RYR2: variants seen among roughly 807,000 people sequenced by gnomAD.
RYR2 encodes cardiac muscle ryanodine receptor-calcium release channel.
In RYR2, 227 loss-of-function variants were observed where a neutral mutation model predicts 601.1. The ratio of observed to expected loss-of-function variants is 0.38; its 90% CI spans 0.34 to 0.42. The LOEUF (loss-of-function observed/expected upper bound fraction) is 0.42, where lower values mean the gene tolerates loss of function less well. Ranked by LOEUF, RYR2 falls within the 10% of genes least tolerant of loss-of-function variation. The probability of loss-of-function intolerance (pLI) is 1.00; values close to 1 mark genes in which losing one functional copy is unlikely to be tolerated. For missense variants in RYR2, 4,646 were observed against 6,156.5 expected, an observed-to-expected ratio of 0.75 and a Z score of 8.21; for synonymous variants, 2,223 against 2,175.1, an observed-to-expected ratio of 1.02 and a Z score of -0.61.
chr1:237,808,863 C>T (rs1462425627), intron 99 of RYR2, 38 bp from the exon 100 acceptor site: 4 of 1,609,892 alleles, frequency 2.5e-6, no homozygotes, highest in Non-Finnish European at 3.4e-6. Context: ...GTATGTCCTA[C>T]ATTTCTAATA....
chr1:237,061,268 C>CATCTATCTATCCATCTAT (rs1553275474), intron 1 of RYR2, among the ~76,000 whole-genome samples: 4 of 88,742 alleles, frequency 4.5e-5, no homozygotes, highest in Admixed American at 3.4e-4. Context: ...ATCTATCTAT[C>CATCTATCTATCCATCTAT]CATCTATCAT....
chr1:237,713,857 A>G (rs1297619055), intron 71 of RYR2, among the ~76,000 whole-genome samples: 1 of 152,142 alleles, frequency 6.6e-6, no homozygotes, highest in Non-Finnish European at 1.5e-5. Context: ...TCCTGTTGAA[A>G]TGTAATCACA....
At chr1:237,152,008 T>C (rs1366879067) in intron 1 of RYR2, among the ~76,000 whole-genome samples, 2 of 151,950 alleles carry the variant, frequency 1.3e-5, no homozygotes, top group Non-Finnish European at 2.9e-5. Flanking sequence ...CTCTCTCCTC[T>C]AGCCCCCACC....
rs564024794 is a variant in RYR2, at chr1:237,558,152, G to A, written c.3214+7461G>A. On this transcript the variant is annotated intron_variant, in intron 27 of 104. Coordinates refer to ENST00000366574, the MANE Select transcript of RYR2 (RefSeq NM_001035.3). ...GTAAAGGGATTGGCCTCCTGTAAAA[G>A]GAACAACAACACTTATTCCCCTAAG... Among the ~76,000 whole-genome samples, 21 of 152,176 alleles carry A rather than the reference G, an allele frequency of 1.4e-4. No homozygotes were observed. In the South Asian group the frequency reaches 3.7e-3, roughly 27 times the overall value.
chr1:237,456,970 C>T (rs572967064), intron 16 of RYR2, among the ~76,000 whole-genome samples: 1 of 152,172 alleles, frequency 6.6e-6, no homozygotes, highest in East Asian at 1.9e-4. Context: ...ATAGCTACAG[C>T]AATTTTATAA....
chr1:237,533,441 G>C (rs1224500644), intron 25 of RYR2, among the ~76,000 whole-genome samples: 1 of 152,074 alleles, frequency 6.6e-6, no homozygotes. Flanking sequence ...GCACCGACGA[G>C]CAGGCAAACT....
intron 91 of RYR2, among the ~76,000 whole-genome samples, chr1:237,787,192 CAATT>C (rs1657702231): frequency 6.6e-6 from 1 of 151,842 alleles, no homozygotes; most frequent in African/African-American, 2.4e-5. Context: ...AAATTAATTA[CAATT>C]AATATATGTC....
intron 49 of RYR2, among the ~76,000 whole-genome samples, chr1:237,649,340 A>C (rs1247783356): frequency 6.6e-6 from 1 of 152,170 alleles, no homozygotes; most frequent in Non-Finnish European, 1.5e-5. Context: ...AATGAAATGA[A>C]AATTTCTTTT....
chr1:237,224,369 G>C (rs1684134768), intron 1 of RYR2, among the ~76,000 whole-genome samples: 1 of 152,132 alleles, frequency 6.6e-6, no homozygotes, highest in Admixed American at 6.5e-5. Flanking sequence ...GCAACAGTAG[G>C]TTATTTTTAG....
At chr1:237,459,868 A>AT (rs1331640934) in intron 16 of RYR2, among the ~76,000 whole-genome samples, 1 of 152,198 alleles carries the variant, frequency 6.6e-6, no homozygotes, top group East Asian at 1.9e-4. Context: ...TAGAAGTGTG[A>AT]TTTTAAAATG....
chr1:237,265,908 TC>T, intron 1 of RYR2, among the ~76,000 whole-genome samples: 1 of 152,350 alleles, frequency 6.6e-6, no homozygotes, highest in East Asian at 1.9e-4. Context: ...TTTTGTTAAG[TC>T]CTTCCATTTA....
intron 2 of RYR2, among the ~76,000 whole-genome samples, chr1:237,308,950 C>T (rs1694218688): frequency 6.6e-6 from 1 of 152,164 alleles, no homozygotes; most frequent in Admixed American, 6.5e-5. Flanking sequence ...TTTAGAATCC[C>T]TGAGTTAGAC....
At chr1:237,637,021 A>G (rs760300399) in intron 44 of RYR2, among the ~76,000 whole-genome samples, 1 of 152,124 alleles carries the variant, frequency 6.6e-6, no homozygotes, top group Non-Finnish European at 1.5e-5. Context: ...ATTGTCTGGG[A>G]CTAGGTGTGT....
At position 237,493,298 on chromosome 1, in the gene RYR2, A is replaced by C. The variant is rs3753618; in HGVS notation, c.1961+211A>C. Among the ~76,000 whole-genome samples the C allele has an allele frequency of 2.0e-5, 3 of 152,306 alleles. No individual in the cohort carries two copies. In the East Asian group the frequency reaches 5.8e-4, roughly 29 times the overall value. Reference sequence around the variant, plus strand: ...AGCAAAATATGGATTTGCCGCAAACACATGTATAAGAGCTTTTATTCACAT... The same window carrying C: ...AGCAAAATATGGATTTGCCGCAAACCCATGTATAAGAGCTTTTATTCACAT... On this transcript the variant is annotated intron_variant, in intron 19 of 104. Coordinates refer to ENST00000366574, the MANE Select transcript of RYR2 (RefSeq NM_001035.3).
At chr1:237,174,306 A>G (rs1677768790) in intron 1 of RYR2, among the ~76,000 whole-genome samples, 1 of 152,152 alleles carries the variant, frequency 6.6e-6, no homozygotes, top group South Asian at 2.1e-4. Context: ...GATTAGTGGC[A>G]ACATTAAAGA....
At chr1:237,241,905 C>A (rs776199953) in intron 1 of RYR2, among the ~76,000 whole-genome samples, 6 of 152,122 alleles carry the variant, frequency 3.9e-5, no homozygotes, top group Non-Finnish European at 7.3e-5. Flanking sequence ...ACTTTTGTCA[C>A]CATCTTGATT....
In RYR2 at chr1:237,200,306, C is replaced by T. The variant is rs117735927; in HGVS notation, c.49-70191C>T. On this transcript the variant is annotated intron_variant, in intron 1 of 104. Coordinates refer to ENST00000366574, the MANE Select transcript of RYR2 (RefSeq NM_001035.3). Reference sequence around the variant, plus strand: ...TTAGGTAGAGTCTCACTCTGTTGCCCGGGTTGGAGTGCAGTGAGCATGATC... The same window carrying T: ...TTAGGTAGAGTCTCACTCTGTTGCCTGGGTTGGAGTGCAGTGAGCATGATC... 4.3e-4 allele frequency among the ~76,000 whole-genome samples: 66 copies of T among 152,024 alleles called. No homozygotes were observed. In the East Asian group the frequency reaches 7.0e-3, roughly 16 times the overall value.
intron 1 of RYR2, among the ~76,000 whole-genome samples, chr1:237,087,356 TCTC>T (rs151216651): frequency 3.3e-5 from 5 of 152,098 alleles, no homozygotes; most frequent in Admixed American, 6.6e-5. Context: ...TTCACTTTCC[TCTC>T]CTCCTCCTCC....
chr1:237,792,308 A>G lies in RYR2; in HGVS notation c.13767A>G (p.Gly4589=), dbSNP rs780072761. The change falls in exon 94 of 105, where the codon GGA becomes GGG. Residue 4589 remains glycine (G), a synonymous_variant. Transcript: ENST00000366574. ...TCATTTCTTTCTTCTGCATCATTGG[A>G]TACTACTGCTTGAAAGTAAGATAGT... ...HTVISFFCII[G]YYCLKVPLVI... is the part of the protein sequence containing the mutation. The G allele has an allele frequency of 6.2e-7, 1 of 1,608,550 alleles. No individual in the cohort carries two copies. The highest frequency in any genetic ancestry group is 1.1e-5 in the South Asian group (1 of 90,958).
Sources: gnomAD v4.1 joint callset for allele counts (sites outside exome capture counted in the v4.1 genomes callset) on GRCh38, gnomAD v4.1.1 for gene constraint, MANE v1.5 for transcripts, NCBI Gene and HGNC (gene_info 2026-07-23, HGNC 2026-07-21) for gene names.